The following USP32 variants were observed in gnomAD, a reference collection of about 807,000 sequenced individuals.
USP32 encodes the protein ubiquitin carboxyl-terminal hydrolase 32.
A neutral mutation model predicts 204.8 loss-of-function variants in USP32; 59 were observed. The ratio of observed to expected loss-of-function variants is 0.29; its 90% CI spans 0.23 to 0.36. The LOEUF is 0.36. Among genes scored for constraint, USP32 ranks in the 10% least tolerant of loss-of-function variants. The pLI, the probability that USP32 is intolerant of heterozygous loss-of-function variation, is 1.00. For missense variants in USP32, 1,160 were observed against 1,946.4 expected (o/e 0.60, Z 7.60); for synonymous variants, 517 against 678.4 (o/e 0.76, Z 3.70).
intron 9 of USP32, among the ~76,000 whole-genome samples, chr17:60,260,519 A>T (rs1340604892): frequency 2.8e-5 from 3 of 107,976 alleles, no homozygotes; most frequent in East Asian, 4.5e-4. Flanking sequence ...GCAAGACTTT[A>T]AAAAAAAAAA....
At position 60,208,671 on chromosome 17, in the gene USP32, A is replaced by G. The variant is rs1049242448; in HGVS notation, c.2756T>C (p.Met919Thr). 3 of 1,558,692 alleles carry G rather than the reference A, an allele frequency of 1.9e-6. No homozygotes were observed. Among genetic ancestry groups the G allele is most frequent in the African/African-American group, 1.4e-5 (1 of 72,650 alleles). ...LSLPLPMDSY[M>T]HLEITVIKLD... ...TGACCTACCTGTTATTTCTAAGTGC[A>G]TATAACTGTCCATTGGTAGTGGCAA... The change falls in exon 23 of 34, where the codon ATG becomes ACG. Residue 919 changes from methionine to threonine, a missense_variant. This residue lies in a region of USP32 where 132 missense variants were observed against 432.8 expected (regional missense o/e 0.30). Transcript: ENST00000300896.
intron 5 of USP32, among the ~76,000 whole-genome samples, chr17:60,280,383 T>C (rs1355941100): frequency 6.6e-6 from 1 of 152,132 alleles, no homozygotes; most frequent in Non-Finnish European, 1.5e-5. Flanking sequence ...AGGCTCGGGC[T>C]ACTGCACCTG....
chr17:60,304,829 C>T (rs551441863), intron 2 of USP32: 6 of 152,266 alleles, frequency 3.9e-5, no homozygotes, highest in African/African-American at 1.4e-4. Flanking sequence ...CATTAATAAA[C>T]TCTTATTTTT....
intron 1 of USP32, among the ~76,000 whole-genome samples, chr17:60,407,273 A>C (rs950415162): frequency 2.0e-5 from 3 of 152,164 alleles, no homozygotes; most frequent in African/African-American, 7.2e-5. Context: ...GTTTTTTCTG[A>C]ATATTAAGGT....
At chr17:60,326,074 T>C (rs2088227412) in intron 2 of USP32, among the ~76,000 whole-genome samples, 1 of 151,620 alleles carries the variant, frequency 6.6e-6, no homozygotes. Flanking sequence ...CCTGATAAAA[T>C]TGAGCTAGGT....
chr17:60,340,018 A>G (rs1454348322), intron 2 of USP32, among the ~76,000 whole-genome samples: 2 of 152,310 alleles, frequency 1.3e-5, no homozygotes, highest in Middle Eastern at 3.4e-3. Context: ...ATATCTCAAA[A>G]CATTAATTTC....
At chr17:60,198,155 T>G in intron 27 of USP32, 105 bp downstream of exon 27, 1 of 1,429,526 alleles carries the variant, frequency 7.0e-7, no homozygotes, top group Non-Finnish European at 9.5e-7. Flanking sequence ...CTTCCAAGAG[T>G]GATTAACTTG....
At chr17:60,406,477 C>T (rs1452977614) in intron 1 of USP32, among the ~76,000 whole-genome samples, 2 of 152,058 alleles carry the variant, frequency 1.3e-5, no homozygotes, top group Non-Finnish European at 2.9e-5. Context: ...CTGCACCTGG[C>T]CCATTATTCT....
chr17:60,351,942 C>CAA (rs199740646), intron 1 of USP32, among the ~76,000 whole-genome samples: 1 of 145,386 alleles, frequency 6.9e-6, no homozygotes, highest in African/African-American at 2.5e-5. Context: ...GTTCACCTGG[C>CAA]AAAAAAAAAC....
chr17:60,360,546 T>C (rs1269874900), intron 1 of USP32, among the ~76,000 whole-genome samples: 1 of 149,368 alleles, frequency 6.7e-6, no homozygotes, highest in Non-Finnish European at 1.5e-5. Flanking sequence ...GTAGTCCCAG[T>C]TACTTGGGAG....
At chr17:60,243,228 G>T (rs1356576131) in intron 11 of USP32, among the ~76,000 whole-genome samples, 1 of 152,106 alleles carries the variant, frequency 6.6e-6, no homozygotes, top group Non-Finnish European at 1.5e-5. Context: ...TCATGTTGCT[G>T]AACTCATTTT....
intron 1 of USP32, among the ~76,000 whole-genome samples, chr17:60,373,727 A>G (rs1264559584): frequency 6.6e-6 from 1 of 152,100 alleles, no homozygotes; most frequent in Non-Finnish European, 1.5e-5. Context: ...TTGGGTTACA[A>G]GCGTGAGCCA....
chr17:60,312,434 CGTT>C (rs781374534), intron 2 of USP32, among the ~76,000 whole-genome samples: 36 of 151,686 alleles, frequency 2.4e-4, no homozygotes, highest in Admixed American at 9.2e-4. Context: ...TTGTCGTTGT[CGTT>C]GTTGTTGAGA....
chr17:60,192,593 C>T (rs113801615), intron 28 of USP32, among the ~76,000 whole-genome samples: 147 of 152,232 alleles, frequency 9.7e-4, no homozygotes, highest in African/African-American at 3.1e-3. Context: ...CATCACCACG[C>T]CCCGCTAATT....
At chr17:60,357,386 G>C (rs2089104140) in intron 1 of USP32, among the ~76,000 whole-genome samples, 1 of 151,990 alleles carries the variant, frequency 6.6e-6, no homozygotes, top group African/African-American at 2.4e-5. Flanking sequence ...CCAGGAGTTG[G>C]AGGCTGCAGT....
chr17:60,386,416 G>C (rs1240890006), intron 1 of USP32, among the ~76,000 whole-genome samples: 1 of 149,126 alleles, frequency 6.7e-6, no homozygotes, highest in Non-Finnish European at 1.5e-5. Flanking sequence ...TAACATTAAA[G>C]CTTCTAATTC....
chr17:60,375,199 C>T lies in USP32; in HGVS notation c.58+16683G>A, dbSNP rs139824249. Reference sequence around the variant, plus strand: ...GCTCCCTCCTTCTCTGTGGATACCACGCTTCTTCTTACCCTATATATCTAT... The same window carrying T: ...GCTCCCTCCTTCTCTGTGGATACCATGCTTCTTCTTACCCTATATATCTAT... On this transcript the variant is annotated intron_variant, in intron 1 of 33. Transcript: ENST00000300896. Among the ~76,000 whole-genome samples, 33 of 152,218 alleles carry T rather than the reference C, an allele frequency of 2.2e-4. No homozygotes were observed. The East Asian group carries it at 3.7e-3, about 17-fold the overall frequency.
At chr17:60,381,440 C>CAAA (rs397784557) in intron 1 of USP32, among the ~76,000 whole-genome samples, 1 of 99,288 alleles carries the variant, frequency 1.0e-5, no homozygotes, top group South Asian at 3.4e-4. Flanking sequence ...GACCCTGTCT[C>CAAA]AAAAAAAAAA....
chr17:60,370,187 A>T (rs73320781), intron 1 of USP32, among the ~76,000 whole-genome samples: 6,812 of 152,122 alleles, frequency 0.045, 534 homozygotes, highest in African/African-American at 0.15. Context: ...AAAGTAAAAG[A>T]AAAAATTATA....
Sources: gnomAD v4.1 joint callset for allele counts (sites outside exome capture counted in the v4.1 genomes callset) on GRCh38, gnomAD v4.1.1 for gene constraint, gnomAD v4.1.1 regional missense constraint, MANE v1.5 for transcripts, NCBI Gene and HGNC (gene_info 2026-07-23, HGNC 2026-07-21) for gene names.